ZNF479: variants seen among roughly 807,000 people sequenced by gnomAD.
The protein encoded by ZNF479 is zinc finger protein 479.
A neutral mutation model predicts 14.7 loss-of-function variants in ZNF479; 15 were observed. That is an observed-to-expected ratio of 1.02 (90% CI 0.68 to 1.57). The LOEUF (loss-of-function observed/expected upper bound fraction) is 1.57. Ranked by LOEUF, ZNF479 falls within the 40% of genes most tolerant of loss-of-function variation. The pLI is 0.00. For synonymous variants in ZNF479, 145 were observed against 211.5 expected (o/e 0.69, Z 2.73); for missense variants, 506 against 615.1 (o/e 0.82, Z 1.88).
chr7:57,125,960 G>C, intron 3 of ZNF479, 58 bp downstream of exon 3: 1 of 1,568,328 alleles, frequency 6.4e-7, no homozygotes, highest in Non-Finnish European at 8.6e-7. Context: ...AGGACTGGCT[G>C]CCTCCTTGAT....
chr7:57,130,427 C>G (rs572833058), intron 1 of ZNF479, among the ~76,000 whole-genome samples: 1 of 151,366 alleles, frequency 6.6e-6, no homozygotes, highest in African/African-American at 2.4e-5. Context: ...GAGCTGAGAC[C>G]GCACCACTGC....
At chr7:57,138,539 AT>A (rs1388269279) in intron 1 of ZNF479, among the ~76,000 whole-genome samples, 1 of 152,178 alleles carries the variant, frequency 6.6e-6, no homozygotes, top group Non-Finnish European at 1.5e-5. Context: ...ATGGTGAGTC[AT>A]AGCTGGACTC....
chr7:57,131,281 A>T (rs376074286), intron 1 of ZNF479, among the ~76,000 whole-genome samples: 1 of 152,044 alleles, frequency 6.6e-6, no homozygotes, highest in African/African-American at 2.4e-5. Flanking sequence ...AAAAAAAATC[A>T]GCTGGGTGCG....
At chr7:57,138,248 T>A (rs1482431202) in intron 1 of ZNF479, among the ~76,000 whole-genome samples, 2 of 152,126 alleles carry the variant, frequency 1.3e-5, no homozygotes. Flanking sequence ...TAGCTAGGCT[T>A]AGAAAAACAG....
chr7:57,122,264 A>T (rs1785987354), intron 3 of ZNF479, among the ~76,000 whole-genome samples: 2 of 151,414 alleles, frequency 1.3e-5, no homozygotes, highest in Non-Finnish European at 1.5e-5. Context: ...GGCTGAAAAA[A>T]ATTTTCATGG....
upstream of ZNF479, among the ~76,000 whole-genome samples, chr7:57,133,121 G>C (rs1786508636): frequency 1.3e-5 from 2 of 152,172 alleles, no homozygotes; most frequent in Middle Eastern, 3.4e-3. Context: ...GTGACACAGA[G>C]AGACTTCCTC....
At chr7:57,135,973 ATCTCTCTCTC>A (rs57853604), upstream of ZNF479, among the ~76,000 whole-genome samples, 36,589 of 125,306 alleles carry the variant, frequency 0.29, 5,152 homozygotes, top group East Asian at 0.51. Flanking sequence ...CTCTCTCTCA[ATCTCTCTCTC>A]TCTCTCTCTC....
In ZNF479 at chr7:57,119,260, C is replaced by T. The variant is rs1362619215; in HGVS notation, c.*580G>A. On this transcript the variant is annotated 3_prime_UTR_variant, in exon 4 of 4. Transcript: ENST00000319636. Reference sequence around the variant, plus strand: ...TTCTTTGCTTTTGTAGAGTTTCTCTCTAGAATGAATGATCAGATAATATGT... The same window carrying T: ...TTCTTTGCTTTTGTAGAGTTTCTCTTTAGAATGAATGATCAGATAATATGT... 6.6e-6 allele frequency among the ~76,000 whole-genome samples: 1 copy of T among 152,124 alleles called. No individual in the cohort carries two copies. The highest frequency in any genetic ancestry group is 6.6e-5 in the Admixed American group (1 of 15,264).
intron 1 of ZNF479, among the ~76,000 whole-genome samples, chr7:57,128,697 A>G (rs1198993398): frequency 6.6e-6 from 1 of 152,168 alleles, no homozygotes; most frequent in Non-Finnish European, 1.5e-5. Flanking sequence ...TTTTTTTCAG[A>G]ACCCCTTGAC....
Position 57,119,710 on chromosome 7 carries a change from T to C in ZNF479, c.*130A>G, listed in dbSNP as rs1450415774. 1 of 933,106 alleles carries C rather than the reference T, an allele frequency of 1.1e-6. No homozygotes were observed. Among genetic ancestry groups the C allele is most frequent in the Non-Finnish European group, 1.6e-6 (1 of 630,052 alleles). The allele number at this position is 933,106 out of a possible 1,614,324, so 57.8% of individuals were successfully genotyped here. On this transcript the variant is annotated 3_prime_UTR_variant, in exon 4 of 4. Transcript: ENST00000319636. ...ACATTTATAAAATTTCTGTCCAATA[T>C]GAATTCTCTTACATTCAATTAAGGT...
intron 3 of ZNF479, 138 bp from the exon 4 acceptor site, chr7:57,121,290 A>G: frequency 2.9e-6 from 2 of 686,500 alleles, no homozygotes; most frequent in Non-Finnish European, 4.9e-6. Context: ...ATTCCTTCAT[A>G]GATGTATAAA....
chr7:57,136,624 T>A (rs1291176506), upstream of ZNF479, among the ~76,000 whole-genome samples: 1 of 152,220 alleles, frequency 6.6e-6, no homozygotes, highest in Non-Finnish European at 1.5e-5. Context: ...AGCTCAAAAT[T>A]GGCTGCTGGA....
chr7:57,128,201 T>C (rs1583941145), intron 1 of ZNF479, among the ~76,000 whole-genome samples: 1 of 152,024 alleles, frequency 6.6e-6, no homozygotes, highest in African/African-American at 2.4e-5. Flanking sequence ...GGCCTCCCAA[T>C]GTGCTGGGAT....
Position 57,117,977 on chromosome 7 carries a change from G to A in ZNF479, c.*1863C>T, listed in dbSNP as rs1785756601. ...ACTCAACCCTCTGATTTAGTGTAAT[G>A]TATGAAGTTTCAGTGCCTTCATTCT... On this transcript the variant is annotated 3_prime_UTR_variant, in exon 4 of 4. Transcript: ENST00000319636. Among the ~76,000 whole-genome samples, 2 of 152,266 alleles carry A rather than the reference G, an allele frequency of 1.3e-5. No individual in the cohort carries two copies. Among genetic ancestry groups the A allele is most frequent in the South Asian group, 4.1e-4 (2 of 4,832 alleles).
At chr7:57,133,427 T>C (rs1786519195), upstream of ZNF479, among the ~76,000 whole-genome samples, 1 of 152,036 alleles carries the variant, frequency 6.6e-6, no homozygotes, top group Admixed American at 6.6e-5. Context: ...AATGACTCAG[T>C]CTGAGCTATT....
rs574462515 is a variant in ZNF479, at chr7:57,120,909, A to G, written c.506T>C (p.Phe169Ser). 4 of 1,613,876 alleles carry G rather than the reference A, an allele frequency of 2.5e-6. No homozygotes were observed. Among genetic ancestry groups the G allele is most frequent in the Non-Finnish European group, 3.4e-6 (4 of 1,179,940 alleles). ...THKYVKVFGKFSNSNRDKTRY... is the reference protein window; with the variant it reads ...THKYVKVFGKSSNSNRDKTRY... ...TGTTTTATCTCTATTGGAATTTGAA[A>G]ATTTACCAAAGACTTTGACATATTT... Residue 169 changes from phenylalanine to serine, a missense_variant, in exon 4 of 4, where the codon TTT (phenylalanine) becomes TCT (serine). Phe to Ser is a radical substitution (Grantham distance 155). Coordinates refer to ENST00000319636, the MANE Select transcript of ZNF479 (RefSeq NM_001370129.2).
chr7:57,136,841 T>C (rs1305659132), upstream of ZNF479, among the ~76,000 whole-genome samples: 1 of 152,256 alleles, frequency 6.6e-6, no homozygotes, highest in Non-Finnish European at 1.5e-5. Context: ...GAGCTACCTT[T>C]GAAGATTCCA....
chr7:57,137,793 G>A (rs905304275), intron 1 of ZNF479, among the ~76,000 whole-genome samples: 4 of 152,130 alleles, frequency 2.6e-5, no homozygotes, highest in African/African-American at 9.7e-5. Context: ...CCAGGGTATT[G>A]TGACATATCT....
chr7:57,121,758 C>T (rs1351223215), intron 3 of ZNF479, among the ~76,000 whole-genome samples: 4 of 151,982 alleles, frequency 2.6e-5, no homozygotes, highest in Non-Finnish European at 4.4e-5. Context: ...GTGTCTAAAT[C>T]TCAAACAAAG....
Sources: allele counts gnomAD v4.1 joint callset (sites outside exome capture counted in the v4.1 genomes callset), GRCh38; gene constraint gnomAD v4.1.1; transcripts MANE v1.5; gene names NCBI Gene and HGNC (gene_info 2026-07-23, HGNC 2026-07-21).